CCDC93: variants seen among roughly 807,000 people sequenced by gnomAD.
CCDC93 encodes the protein coiled-coil domain-containing protein 93.
A neutral mutation model predicts 108.2 loss-of-function variants in CCDC93; 61 were observed. The ratio of observed to expected loss-of-function variants is 0.56; its 90% CI spans 0.46 to 0.70. The LOEUF is 0.70. Ranked by LOEUF, CCDC93 falls within the 30% of genes least tolerant of loss-of-function variation. CCDC93 has a pLI of 0.00. For missense variants in CCDC93, 685 were observed against 764.2 expected, an observed-to-expected ratio of 0.90 and a Z score of 1.22; for synonymous variants, 276 against 260.4, an observed-to-expected ratio of 1.06 and a Z score of -0.58.
chr2:117,920,306 A>G lies in CCDC93; in HGVS notation c.*37T>C. On this transcript the variant is annotated 3_prime_UTR_variant, in exon 24 of 24. Transcript: ENST00000376300. ...TTGTAGGTGATATACGGTGCTTAAA[A>G]GTAAAATCAATGACATACAGCCACG... 6 of 1,524,932 alleles carry G rather than the reference A, an allele frequency of 3.9e-6. No homozygotes were observed. Among genetic ancestry groups the G allele is most frequent in the Non-Finnish European group, 5.5e-6 (6 of 1,100,572 alleles). 94.5% of individuals were successfully genotyped at this position (1,524,932 alleles called of 1,614,324 possible).
chr2:117,996,575 G>A (rs532482453), intron 4 of CCDC93: 17 of 450,022 alleles, frequency 3.8e-5, no homozygotes, highest in Non-Finnish European at 6.1e-5. Context: ...CTGAGTAGCC[G>A]TGCAGGAGCT....
chr2:117,965,374 T>C (rs972823908), intron 11 of CCDC93, among the ~76,000 whole-genome samples: 4 of 152,082 alleles, frequency 2.6e-5, no homozygotes, highest in Non-Finnish European at 5.9e-5. Context: ...TCAGGCTGAT[T>C]TTCTAACAAA....
intron 6 of CCDC93, among the ~76,000 whole-genome samples, chr2:117,987,614 G>C (rs1680358763): frequency 6.6e-6 from 1 of 152,286 alleles, no homozygotes; most frequent in Middle Eastern, 3.4e-3. Flanking sequence ...CTCAGTTTCT[G>C]TATCTATAAA....
At chr2:117,962,058 CAG>C (rs1679413754) in intron 11 of CCDC93, among the ~76,000 whole-genome samples, 1 of 152,166 alleles carries the variant, frequency 6.6e-6, no homozygotes, top group African/African-American at 2.4e-5. Flanking sequence ...TTAGAGGAAA[CAG>C]ATTTAAATGT....
chr2:117,953,728 CA>C (rs11310138), intron 12 of CCDC93, among the ~76,000 whole-genome samples: 46,595 of 132,014 alleles, frequency 0.35, 8,110 homozygotes, highest in Middle Eastern at 0.47. Context: ...CTGCTGTCTC[CA>C]AAAAAAAAAA....
At chr2:117,940,499 G>T (rs1391081960) in intron 19 of CCDC93, among the ~76,000 whole-genome samples, 1 of 152,198 alleles carries the variant, frequency 6.6e-6, no homozygotes, top group East Asian at 1.9e-4. Context: ...CACTCAGACT[G>T]GGGAGGAACC....
At chr2:117,940,683 G>C (rs1282130577) in intron 19 of CCDC93, among the ~76,000 whole-genome samples, 1 of 152,200 alleles carries the variant, frequency 6.6e-6, no homozygotes. Flanking sequence ...AGGAATGTTA[G>C]GAAGAAAAAG....
intron 12 of CCDC93, among the ~76,000 whole-genome samples, chr2:117,956,235 G>A (rs550057034): frequency 4.3e-4 from 66 of 152,212 alleles, no homozygotes; most frequent in African/African-American, 1.6e-3. Context: ...AGCCTGCTAT[G>A]TTAAGCAGTA....
intron 3 of CCDC93, among the ~76,000 whole-genome samples, chr2:118,005,514 A>C: frequency 6.6e-6 from 1 of 152,176 alleles, no homozygotes; most frequent in Non-Finnish European, 1.5e-5. Flanking sequence ...CTCTAATCCC[A>C]GGAGGCCAAG....
intron 11 of CCDC93, among the ~76,000 whole-genome samples, chr2:117,967,740 A>C (rs1050973213): frequency 4.6e-5 from 7 of 152,170 alleles, no homozygotes; most frequent in Non-Finnish European, 8.8e-5. Context: ...AATGGATATA[A>C]TATCACGTAC....
At chr2:117,923,944 G>A (rs35017000) in intron 23 of CCDC93, among the ~76,000 whole-genome samples, 43,444 of 152,086 alleles carry the variant, frequency 0.29, 6,680 homozygotes, top group African/African-American at 0.38. Flanking sequence ...CCAGAGGAAT[G>A]ATCAGGCAAC....
intron 13 of CCDC93, chr2:117,950,131 C>T (rs1679007677): frequency 3.0e-6 from 3 of 985,266 alleles, no homozygotes; most frequent in Non-Finnish European, 3.6e-6. Flanking sequence ...TAGATCCCTT[C>T]CAGAATAAAC....
In CCDC93 at chr2:117,916,437, G is replaced by A. The variant is rs1249919827; in HGVS notation, c.*3906C>T. The A allele has an allele frequency of 2.6e-5, 4 of 152,288 alleles. No homozygotes were observed. The highest frequency in any genetic ancestry group is 4.4e-5 in the Non-Finnish European group (3 of 68,028). The allele number at this position is 152,288 out of a possible 1,614,324, so 9.4% of individuals were successfully genotyped here. ...AAGGTTACAGTATAACATACTCTGA[G>A]AGAGACCCTCTAAAGTTGTGAAAAC... On this transcript the variant is annotated 3_prime_UTR_variant, in exon 24 of 24. Coordinates refer to ENST00000376300, the MANE Select transcript of CCDC93 (RefSeq NM_019044.5).
At chr2:117,940,793 TGTTAAGG>T (rs2104729008) in intron 19 of CCDC93, among the ~76,000 whole-genome samples, 1 of 152,260 alleles carries the variant, frequency 6.6e-6, no homozygotes, top group East Asian at 1.9e-4. Context: ...AATATGATGC[TGTTAAGG>T]GTTAAGGACC....
At chr2:117,931,989 A>G (rs1457990910) in intron 22 of CCDC93, among the ~76,000 whole-genome samples, 3 of 152,150 alleles carry the variant, frequency 2.0e-5, no homozygotes, top group East Asian at 1.9e-4. Context: ...CACCCTGACA[A>G]ACAGACACAC....
chr2:117,974,108 C>T (rs2104781265), intron 10 of CCDC93, 114 bp from the exon 11 acceptor site: 1 of 760,168 alleles, frequency 1.3e-6, no homozygotes, highest in Non-Finnish European at 2.3e-6. Context: ...CATAATATTC[C>T]CAGGGGAAAT....
chr2:117,962,579 G>A (rs1046352655), intron 11 of CCDC93, among the ~76,000 whole-genome samples: 4 of 152,346 alleles, frequency 2.6e-5, no homozygotes, highest in Middle Eastern at 3.4e-3. Context: ...GGAGGTGGAG[G>A]TTGCAGTGAG....
chr2:117,981,933 T>C (rs11691439), intron 7 of CCDC93, among the ~76,000 whole-genome samples: 11,302 of 152,070 alleles, frequency 0.074, 518 homozygotes, highest in South Asian at 0.15. Context: ...TAAAACAAAA[T>C]AGGGACATAA....
At chr2:117,983,573 T>C (rs1398898565) in intron 7 of CCDC93, among the ~76,000 whole-genome samples, 1 of 136,036 alleles carries the variant, frequency 7.4e-6, no homozygotes, top group Non-Finnish European at 1.6e-5. Context: ...AGGAGAATGA[T>C]GACAGCAGCC....
Sources: gnomAD v4.1 joint callset for allele counts (sites outside exome capture counted in the v4.1 genomes callset) on GRCh38, gnomAD v4.1.1 for gene constraint, MANE v1.5 for transcripts, NCBI Gene and HGNC (gene_info 2026-07-23, HGNC 2026-07-21) for gene names.